BMP2K: variants seen among roughly 807,000 people sequenced by gnomAD.
BMP2K encodes BMP2 inducible kinase, also known as BMP-2-inducible protein kinase.
In BMP2K, 74 loss-of-function variants were observed where a neutral mutation model predicts 116.0. The observed-to-expected ratio is 0.64, with a 90% confidence interval of 0.53 to 0.77. The LOEUF is 0.77. Among genes scored for constraint, BMP2K ranks in the 30% least tolerant of loss-of-function variants. The pLI, the probability that BMP2K is intolerant of heterozygous loss-of-function variation, is 0.00. For missense variants in BMP2K, 1,365 were observed against 1,403.6 expected, an observed-to-expected ratio of 0.97 and a Z score of 0.44; for synonymous variants, 486 against 502.5, an observed-to-expected ratio of 0.97 and a Z score of 0.44.
chr4:78,875,944 G>A (rs988239183), intron 13 of BMP2K, among the ~76,000 whole-genome samples: 1 of 152,198 alleles, frequency 6.6e-6, no homozygotes, highest in African/African-American at 2.4e-5. Context: ...GTCATGGGCT[G>A]CTGCTTGTGC....
At position 78,887,172 on chromosome 4, in the gene BMP2K, A is replaced by AGATAGGCTCGAGGAGAG; in HGVS notation, c.1952-1_1967dup. On this transcript the variant is annotated splice_acceptor_variant, in intron 14 of 15. Transcript: ENST00000502613. LOFTEE classifies it high-confidence loss of function. The stretch of plus-strand genomic sequence containing the variant: ...TTATTTCGTTTCATCTTATTTTTGC[A>AGATAGGCTCGAGGAGAG]GATAGGCTCGAGGAGAGAGCATCCT... 1 of 1,577,040 alleles carries AGATAGGCTCGAGGAGAG rather than the reference A, an allele frequency of 6.3e-7. No homozygotes were observed. The highest frequency in any genetic ancestry group is 8.6e-7 in the Non-Finnish European group (1 of 1,156,494).
At chr4:78,842,072 A>G (rs1288814167) in intron 3 of BMP2K, among the ~76,000 whole-genome samples, 3 of 152,066 alleles carry the variant, frequency 2.0e-5, no homozygotes, top group African/African-American at 7.2e-5. Context: ...TAGCCCATAA[A>G]TAGTATGGTG....
intron 2 of BMP2K, among the ~76,000 whole-genome samples, chr4:78,829,847 C>T (rs1390928416): frequency 7.4e-6 from 1 of 135,854 alleles, no homozygotes; most frequent in Non-Finnish European, 1.6e-5. Context: ...CTTCTCTTCT[C>T]TTCTTTTTTT....
intron 13 of BMP2K, among the ~76,000 whole-genome samples, chr4:78,873,670 G>T (rs1232129888): frequency 1.0e-5 from 1 of 99,826 alleles, no homozygotes; most frequent in Non-Finnish European, 1.8e-5. Context: ...GTGTGTGTGT[G>T]TGTGTGTGTG....
chr4:78,873,601 A>G (rs1560539999), intron 13 of BMP2K, among the ~76,000 whole-genome samples: 2 of 152,114 alleles, frequency 1.3e-5, no homozygotes, highest in Non-Finnish European at 2.9e-5. Flanking sequence ...ATACTTGTAC[A>G]CTGCATCTCA....
chr4:78,878,426 C>G (rs201198578), intron 13 of BMP2K, among the ~76,000 whole-genome samples: 1 of 152,224 alleles, frequency 6.6e-6, no homozygotes, highest in East Asian at 1.9e-4. Context: ...TTCTCAGCAA[C>G]CCTATGAGGT....
At position 78,821,375 on chromosome 4, in the gene BMP2K, G is replaced by GAA. The variant is rs370952838; in HGVS notation, c.179-4655_179-4654dup. ...TCTGTATGTTTTTTCCAGTTTCCCA[G>GAA]AAAAAAAACACTGTTTCCAATTTCC... On this transcript the variant is annotated intron_variant, in intron 1 of 15. Coordinates refer to ENST00000502613, the MANE Select transcript of BMP2K (RefSeq NM_198892.2). 2.9e-3 allele frequency among the ~76,000 whole-genome samples: 442 copies of GAA among 151,870 alleles called. 4 individuals are homozygous for GAA. The highest frequency in any genetic ancestry group is 0.011 in the South Asian group (53 of 4,804).
At position 78,871,000 on chromosome 4, in the gene BMP2K, G is replaced by A. The variant is rs1560538307; in HGVS notation, c.1449G>A (p.Gln483=). 1.9e-6 allele frequency: 3 copies of A among 1,564,678 alleles called. No homozygotes were observed. Among genetic ancestry groups the A allele is most frequent in the Middle Eastern group, 1.7e-4 (1 of 6,038 alleles). The part of the protein sequence containing the change: ...QQQQQQQQQQ[Q]QQQHHHHHHH... ...AACAGCAACAGCAGCAGCAGCAGCA[G>A]CAGCAGCAGCACCACCACCACCACC... The change falls in exon 11 of 16, where the codon CAG becomes CAA. Residue 483 remains glutamine (Q), a synonymous_variant. Coordinates refer to ENST00000502613, the MANE Select transcript of BMP2K (RefSeq NM_198892.2).
intron 2 of BMP2K, among the ~76,000 whole-genome samples, chr4:78,826,809 T>C (rs1729895552): frequency 6.6e-6 from 1 of 152,078 alleles, no homozygotes; most frequent in Non-Finnish European, 1.5e-5. Flanking sequence ...AATTGTGGAG[T>C]ATTTTCAGGA....
Position 78,911,823 on chromosome 4 carries a change from T to C in BMP2K, c.3276T>C (p.Arg1092=). The change falls in exon 16 of 16, where the codon CGT becomes CGC. Residue 1092 remains arginine, a synonymous_variant. Coordinates refer to ENST00000502613, the MANE Select transcript of BMP2K (RefSeq NM_198892.2). ...HPPHQGLSDI[R]ADHNTVLPGR... ...CACATCAGGGCCTGAGCGACATCCG[T>C]GCTGATCACAATACTGTCCTGCCAG... 2 of 1,613,962 alleles carry C rather than the reference T, an allele frequency of 1.2e-6. No homozygotes were observed. Among genetic ancestry groups the C allele is most frequent in the East Asian group, 4.5e-5 (2 of 44,846 alleles).
chr4:78,866,876 A>C (rs1464997077), intron 10 of BMP2K, among the ~76,000 whole-genome samples: 1 of 152,020 alleles, frequency 6.6e-6, no homozygotes, highest in African/African-American at 2.4e-5. Context: ...TCTCGAACTC[A>C]AAGGGAAGTA....
At chr4:78,778,806 A>G (rs958171152) in intron 1 of BMP2K, among the ~76,000 whole-genome samples, 6 of 152,254 alleles carry the variant, frequency 3.9e-5, no homozygotes, top group Non-Finnish European at 5.9e-5. Flanking sequence ...GCCTGATCAT[A>G]AGATTGGGTC....
intron 15 of BMP2K, among the ~76,000 whole-genome samples, chr4:78,909,119 T>G (rs1209836330): frequency 3.5e-5 from 5 of 143,122 alleles, no homozygotes; most frequent in Non-Finnish European, 7.5e-5. Flanking sequence ...AGTGCAGTGG[T>G]GCGATCTTGG....
At chr4:78,777,906 C>T (rs546919030) in intron 1 of BMP2K, among the ~76,000 whole-genome samples, 1 of 152,280 alleles carries the variant, frequency 6.6e-6, no homozygotes, top group East Asian at 1.9e-4. Context: ...TGAACCATTG[C>T]TCAGAATAAT....
intron 9 of BMP2K, among the ~76,000 whole-genome samples, chr4:78,863,848 C>G (rs1172236278): frequency 6.6e-6 from 1 of 152,058 alleles, no homozygotes; most frequent in African/African-American, 2.4e-5. Flanking sequence ...AATTTTAAAC[C>G]CCAGTTTCTA....
At chr4:78,887,855 G>A (rs1480727918) in intron 15 of BMP2K, among the ~76,000 whole-genome samples, 1 of 152,130 alleles carries the variant, frequency 6.6e-6, no homozygotes, top group Non-Finnish European at 1.5e-5. Context: ...TGTATGTATG[G>A]TTATAGTGGA....
Position 78,830,550 on chromosome 4 carries a change from G to A in BMP2K, c.298-3032G>A, listed in dbSNP as rs114888521. On this transcript the variant is annotated intron_variant, in intron 2 of 15. Coordinates refer to ENST00000502613, the MANE Select transcript of BMP2K (RefSeq NM_198892.2). ...TCTTTAGCTCTAAAAATCCTAGATGGCATCTTCCTCCAATAGAAGGCTGTT... is the reference window on the plus strand; with the variant it reads ...TCTTTAGCTCTAAAAATCCTAGATGACATCTTCCTCCAATAGAAGGCTGTT... Among the ~76,000 whole-genome samples the A allele has an allele frequency of 2.7e-3, 418 of 152,246 alleles. 3 individuals carry two copies. The highest frequency in any genetic ancestry group is 9.5e-3 in the African/African-American group (396 of 41,550).
chr4:78,904,310 G>A (rs972499534), intron 15 of BMP2K, among the ~76,000 whole-genome samples: 1 of 151,822 alleles, frequency 6.6e-6, no homozygotes, highest in African/African-American at 2.4e-5. Flanking sequence ...GCCTAATATA[G>A]GGAGATAAGA....
intron 15 of BMP2K, among the ~76,000 whole-genome samples, chr4:78,907,244 A>T (rs904130389): frequency 6.6e-6 from 1 of 152,206 alleles, no homozygotes; most frequent in Non-Finnish European, 1.5e-5. Flanking sequence ...ACAATTATAA[A>T]TGTGTATTTC....
Sources: gnomAD v4.1 joint callset for allele counts (sites outside exome capture counted in the v4.1 genomes callset) on GRCh38, gnomAD v4.1.1 for gene constraint, MANE v1.5 for transcripts, NCBI Gene and HGNC (gene_info 2026-07-23, HGNC 2026-07-21) for gene names.